LRRC4B: variants seen among roughly 807,000 people sequenced by gnomAD.
LRRC4B encodes the protein leucine rich repeat containing 4B, also known as leucine-rich repeat-containing protein 4B.
LRRC4B carries 1 observed loss-of-function variant against 7.3 expected under a neutral mutation model. The observed-to-expected ratio is 0.14, with a 90% CI of 0.05 to 0.65. The LOEUF (loss-of-function observed/expected upper bound fraction) is 0.65, where lower values mean the gene tolerates loss of function less well. LRRC4B is among the 30% of genes least tolerant of loss of function. LRRC4B has a pLI of 0.84. For synonymous variants in LRRC4B, 500 were observed against 499.2 expected (o/e 1.00, Z -0.02); for missense variants, 730 against 1,041.6 (o/e 0.70, Z 4.12).
intron 2 of LRRC4B, among the ~76,000 whole-genome samples, chr19:50,535,015 CCTG>C (rs1473459968): frequency 1.3e-5 from 2 of 151,336 alleles, no homozygotes; most frequent in Non-Finnish European, 2.9e-5. Context: ...ATTACAGGCG[CCTG>C]CCACCACACC....
intron 2 of LRRC4B, among the ~76,000 whole-genome samples, chr19:50,544,314 G>C (rs931977639): frequency 1.3e-5 from 2 of 151,762 alleles, no homozygotes; most frequent in Non-Finnish European, 2.9e-5. Context: ...AGACCATCCT[G>C]GCTAACACAG....
rs749088759 is a variant in LRRC4B at position 50,517,759 on chromosome 19, G to A, written c.1954C>T (p.Leu652=). 12 of 1,522,890 alleles carry A rather than the reference G, an allele frequency of 7.9e-6. No individual in the cohort carries two copies. Among genetic ancestry groups the A allele is most frequent in the Non-Finnish European group, 1.1e-5 (12 of 1,139,746 alleles). 94.3% of individuals were successfully genotyped at this position (1,522,890 alleles called of 1,614,324 possible). The change falls in exon 3 of 3, where the codon CTG becomes TTG. Residue 652 remains leucine (L), a synonymous_variant. Coordinates refer to ENST00000652263, the MANE Select transcript of LRRC4B (RefSeq NM_001080457.2). This position sits in a 1 kb window ranked among gnomAD's most constrained non-coding sequence, Gnocchi z 6.6. The part of the protein sequence containing the change: ...GGVGGDSHLA[L]PALERDHLNH... The stretch of plus-strand genomic sequence containing the variant: ...AGGTGGTCTCGCTCCAGGGCGGGCA[G>A]GGCCAGGTGGCTGTCCCCGCCCACA...
rs1016655966 is a variant in LRRC4B at position 50,537,674 on chromosome 19, C to T, written c.297+10868G>A. On this transcript the variant is annotated intron_variant, in intron 2 of 2. Coordinates refer to ENST00000652263, the MANE Select transcript of LRRC4B (RefSeq NM_001080457.2). This position sits in a 1 kb window ranked among gnomAD's most constrained non-coding sequence, Gnocchi z 5.5. The stretch of plus-strand genomic sequence containing the variant: ...ACAGGTGTGAGCCACCGCGCCCGGC[C>T]GACTGTTCTTTTCTGTAAGTGTGCT... Among the ~76,000 whole-genome samples, 14 of 152,220 alleles carry T rather than the reference C, an allele frequency of 9.2e-5. No individual in the cohort carries two copies. Among genetic ancestry groups the T allele is most frequent in the African/African-American group, 2.4e-4 (10 of 41,546 alleles).
Position 50,537,193 on chromosome 19 carries a change from G to A in LRRC4B, c.297+11349C>T, listed in dbSNP as rs796274976. ...CGCGTTGAAAAAACCAAGTTCTGCA[G>A]CCAGCCTGCCTGGGCCGAGTCCCAG... is the stretch of plus-strand genomic sequence containing the variant. On this transcript the variant is annotated intron_variant, in intron 2 of 2. Coordinates refer to ENST00000652263, the MANE Select transcript of LRRC4B (RefSeq NM_001080457.2). The surrounding 1 kb of genome is among the most constrained non-coding windows in gnomAD (Gnocchi z 5.5). 1.6e-4 allele frequency among the ~76,000 whole-genome samples: 24 copies of A among 152,314 alleles called. No individual in the cohort carries two copies. The highest frequency in any genetic ancestry group is 5.1e-4 in the African/African-American group (21 of 41,564).
rs924957067 is a variant in LRRC4B, at chr19:50,547,498, G to A, written c.297+1044C>T. 5.3e-5 allele frequency among the ~76,000 whole-genome samples: 8 copies of A among 151,904 alleles called. No homozygotes were observed. In the South Asian group the frequency reaches 6.3e-4, roughly 12 times the overall value. ...TGGAGGGGCTGGGACCTCTGGCATC[G>A]GCACCCTCTTCTCTCCCAGCTTTAC... On this transcript the variant is annotated intron_variant, in intron 2 of 2. Transcript: ENST00000652263.
intron 1 of LRRC4B, among the ~76,000 whole-genome samples, chr19:50,559,864 T>C (rs1040612593): frequency 3.3e-5 from 5 of 152,272 alleles, no homozygotes; most frequent in African/African-American, 1.2e-4. Context: ...CCGGGCGCAG[T>C]GGCTCACGCC....
At chr19:50,557,034 T>C (rs1599785488) in intron 1 of LRRC4B, among the ~76,000 whole-genome samples, 1 of 151,188 alleles carries the variant, frequency 6.6e-6, no homozygotes, top group South Asian at 2.1e-4. Context: ...CCCCTCTGAG[T>C]GGACTGGAGC....
intron 2 of LRRC4B, among the ~76,000 whole-genome samples, chr19:50,531,038 G>A (rs770917640): frequency 2.0e-5 from 3 of 151,812 alleles, no homozygotes; most frequent in Non-Finnish European, 4.4e-5. Context: ...GTGAGCCACC[G>A]TGCCCAGCCT....
At chr19:50,558,634 C>T (rs73588605) in intron 1 of LRRC4B, among the ~76,000 whole-genome samples, 1,597 of 152,346 alleles carry the variant, frequency 0.01, 24 homozygotes, top group African/African-American at 0.036. Context: ...CACGAGGCTA[C>T]GGAGCACGTG....
intron 2 of LRRC4B, among the ~76,000 whole-genome samples, chr19:50,525,836 C>T (rs1166411171): frequency 3.9e-5 from 6 of 152,118 alleles, no homozygotes; most frequent in Non-Finnish European, 7.4e-5. Flanking sequence ...CCCAGCTGCA[C>T]CTCAGCCCTC....
Position 50,518,277 on chromosome 19 carries a change from C to G in LRRC4B, c.1436G>C (p.Gly479Ala), listed in dbSNP as rs753367344. 115 of 1,599,936 alleles carry G rather than the reference C, an allele frequency of 7.2e-5. No homozygotes were observed. Among genetic ancestry groups the G allele is most frequent in the Non-Finnish European group, 9.6e-5 (113 of 1,173,948 alleles). ...GAAGTAGGTGTAGCCGCCACTGCCC[C>G]CTCCAACACCACCACTGCCCCCAGG... is the stretch of plus-strand genomic sequence containing the variant. ...GGPGGSGGVGGGSGGYTYFTT... is the reference protein window; with the variant it reads ...GGPGGSGGVGAGSGGYTYFTT... The change falls in exon 3 of 3, where the codon GGG becomes GCG. Residue 479 changes from glycine to alanine, a missense_variant. Physicochemically the swap from Gly to Ala is moderately conservative, Grantham distance 60. Around this residue, in one of 6 missense-constraint regions of LRRC4B, gnomAD observed 192 missense variants for 228.6 expected, o/e 0.84. Coordinates refer to ENST00000652263, the MANE Select transcript of LRRC4B (RefSeq NM_001080457.2).
intron 2 of LRRC4B, among the ~76,000 whole-genome samples, chr19:50,528,507 G>C (rs1038096786): frequency 6.6e-6 from 1 of 152,114 alleles, no homozygotes; most frequent in Non-Finnish European, 1.5e-5. Context: ...ACCACGCCCA[G>C]CTAATTTTTG....
rs1318814545 is a variant in LRRC4B at position 50,555,027 on chromosome 19, G to A, written c.-35-6154C>T. Among the ~76,000 whole-genome samples the A allele has an allele frequency of 1.3e-5, 2 of 152,194 alleles. No individual in the cohort carries two copies. The highest frequency in any genetic ancestry group is 4.8e-5 in the African/African-American group (2 of 41,446). On this transcript the variant is annotated intron_variant, in intron 1 of 2. Transcript: ENST00000652263. This position sits in a 1 kb window ranked among gnomAD's most constrained non-coding sequence, Gnocchi z 5.2. ...CCCCTGCAGTCACCCGCACTGCACA[G>A]GATATCACACGCCCGACACCCCACC...
chr19:50,524,783 C>CA (rs1258750987), intron 2 of LRRC4B, among the ~76,000 whole-genome samples: 1 of 152,186 alleles, frequency 6.6e-6, no homozygotes, highest in Non-Finnish European at 1.5e-5. Context: ...CCAGGGCGTC[C>CA]AGGGCACCTC....
intron 2 of LRRC4B, among the ~76,000 whole-genome samples, chr19:50,536,993 G>A (rs1981323304): frequency 6.6e-6 from 1 of 152,108 alleles, no homozygotes; most frequent in East Asian, 1.9e-4. Flanking sequence ...AGGGGTGTGT[G>A]GGTACAGGCT....
Position 50,517,521 on chromosome 19 carries a change from G to T in LRRC4B, c.*50C>A. On this transcript the variant is annotated 3_prime_UTR_variant, in exon 3 of 3. Coordinates refer to ENST00000652263, the MANE Select transcript of LRRC4B (RefSeq NM_001080457.2). This position sits in a 1 kb window ranked among gnomAD's most constrained non-coding sequence, Gnocchi z 6.6. ...GTCCCGGTCAGGCTGCGCCCGGGCT[G>T]GGACCTGGGTGGGGGGCTCCACGCC... 7.3e-7 allele frequency: 1 copy of T among 1,377,672 alleles called. No homozygotes were observed. The allele number at this position is 1,377,672 out of a possible 1,614,324, so 85.3% of individuals were successfully genotyped here.
At chr19:50,565,070 G>A (rs1309449896) in intron 1 of LRRC4B, among the ~76,000 whole-genome samples, 1 of 152,092 alleles carries the variant, frequency 6.6e-6, no homozygotes, top group Non-Finnish European at 1.5e-5. Context: ...GCCCCGTGGC[G>A]AGAGGAACAC....
intron 2 of LRRC4B, among the ~76,000 whole-genome samples, chr19:50,536,260 A>G (rs1460721183): frequency 6.6e-6 from 1 of 151,714 alleles, no homozygotes; most frequent in African/African-American, 2.4e-5. Context: ...CACCCTCCCG[A>G]GTATCTGGGA....
chr19:50,523,619 C>T (rs1043998410), intron 2 of LRRC4B, among the ~76,000 whole-genome samples: 2 of 145,548 alleles, frequency 1.4e-5, no homozygotes, highest in African/African-American at 2.6e-5. Flanking sequence ...GCCGAGATCG[C>T]GCCACTGCAC....
Sources: gnomAD v4.1 joint callset for allele counts (sites outside exome capture counted in the v4.1 genomes callset) on GRCh38, gnomAD v4.1.1 for gene constraint, gnomAD v4.1.1 regional missense constraint, Gnocchi (gnomAD v3.1) non-coding constraint, MANE v1.5 for transcripts, NCBI Gene and HGNC (gene_info 2026-07-23, HGNC 2026-07-21) for gene names.